The following CDH8 variants were observed in gnomAD, a reference collection of about 807,000 sequenced individuals.
CDH8 encodes cadherin 8, also known as cadherin-8.
In CDH8, 17 loss-of-function variants were observed where a neutral mutation model predicts 68.1. That is an observed-to-expected ratio of 0.25 (90% CI 0.17 to 0.37). CDH8 has a LOEUF of 0.37. Ranked by LOEUF, CDH8 falls within the 10% of genes least tolerant of loss-of-function variation. CDH8 has a pLI of 1.00. For synonymous variants in CDH8, 372 were observed against 365.1 expected, an observed-to-expected ratio of 1.02 and a Z score of -0.21; for missense variants, 763 against 999.3, an observed-to-expected ratio of 0.76 and a Z score of 3.19.
At chr16:61,951,531 G>A (rs1457670823) in intron 2 of CDH8, among the ~76,000 whole-genome samples, 14 of 136,524 alleles carry the variant, frequency 1.0e-4, no homozygotes, top group South Asian at 2.4e-4. Context: ...AAAAAAAAAA[G>A]ATGCCATATG....
intron 7 of CDH8, among the ~76,000 whole-genome samples, chr16:61,799,244 A>G (rs1325913239): frequency 2.6e-5 from 4 of 152,302 alleles, no homozygotes; most frequent in Non-Finnish European, 4.4e-5. Flanking sequence ...ACTTCTCTCC[A>G]TAGGAAATAG....
In CDH8 at chr16:61,769,882, G is replaced by T. The variant is rs1960733947; in HGVS notation, c.1414+19464C>A. Among the ~76,000 whole-genome samples, 3 of 151,754 alleles carry T rather than the reference G, an allele frequency of 2.0e-5. No individual in the cohort carries two copies. The South Asian group carries it at 6.2e-4, about 31-fold the overall frequency. On this transcript the variant is annotated intron_variant, in intron 8 of 11. Transcript: ENST00000577390. ...AGTTGATGTAAGCAATGTGATTCCT[G>T]GATTTTTTATTCCTATATGTGTATT...
At chr16:61,932,075 T>C (rs368356048) in intron 2 of CDH8, among the ~76,000 whole-genome samples, 5 of 151,644 alleles carry the variant, frequency 3.3e-5, no homozygotes, top group East Asian at 3.9e-4. Flanking sequence ...GGCGTGGTGG[T>C]GGGCGCCTGT....
intron 3 of CDH8, among the ~76,000 whole-genome samples, chr16:61,873,255 T>C (rs562836328): frequency 1.2e-4 from 18 of 152,264 alleles, no homozygotes; most frequent in Admixed American, 2.0e-4. Context: ...TAAGCCTAAA[T>C]TAGGTTGAAG....
At chr16:61,906,743 T>C (rs1012914407) in intron 2 of CDH8, among the ~76,000 whole-genome samples, 3 of 152,178 alleles carry the variant, frequency 2.0e-5, no homozygotes, top group Non-Finnish European at 4.4e-5. Flanking sequence ...ATTTTTCCAT[T>C]TATTTTCAAA....
intron 7 of CDH8, among the ~76,000 whole-genome samples, chr16:61,801,722 C>T (rs572674013): frequency 1.3e-4 from 20 of 152,274 alleles, no homozygotes; most frequent in African/African-American, 4.6e-4. Context: ...CCTGGAAAAT[C>T]GGGTCACTCC....
chr16:62,000,203 G>A (rs1473910165), intron 2 of CDH8, among the ~76,000 whole-genome samples: 2 of 152,082 alleles, frequency 1.3e-5, no homozygotes, highest in Non-Finnish European at 2.9e-5. Context: ...GTCTATCATT[G>A]ATAAGCATTT....
intron 8 of CDH8, among the ~76,000 whole-genome samples, chr16:61,734,696 G>A (rs1307306129): frequency 6.6e-6 from 1 of 151,938 alleles, no homozygotes; most frequent in Non-Finnish European, 1.5e-5. Flanking sequence ...GTTGTTTAGA[G>A]TTATTAAGCT....
chr16:61,992,149 G>A (rs1195105530), intron 2 of CDH8, among the ~76,000 whole-genome samples: 1 of 151,596 alleles, frequency 6.6e-6, no homozygotes, highest in Non-Finnish European at 1.5e-5. Flanking sequence ...CTGCACTAAG[G>A]TGAAGAAGAA....
intron 1 of CDH8, among the ~76,000 whole-genome samples, chr16:62,026,016 T>C (rs894272806): frequency 2.0e-5 from 3 of 152,200 alleles, no homozygotes; most frequent in Non-Finnish European, 4.4e-5. Flanking sequence ...CATCTCACTA[T>C]TTGCTAAAAA....
intron 8 of CDH8, among the ~76,000 whole-genome samples, chr16:61,749,522 T>C (rs1960105838): frequency 6.6e-6 from 1 of 152,000 alleles, no homozygotes; most frequent in South Asian, 2.1e-4. Context: ...GAGAAAAATT[T>C]TGAGTCTTTT....
intron 3 of CDH8, among the ~76,000 whole-genome samples, chr16:61,890,446 G>A (rs1597045193): frequency 6.6e-6 from 1 of 152,072 alleles, no homozygotes; most frequent in East Asian, 1.9e-4. Context: ...TTAGTGCTGA[G>A]CCAATTCTTT....
intron 2 of CDH8, among the ~76,000 whole-genome samples, chr16:61,926,014 A>G (rs1403181860): frequency 1.3e-5 from 2 of 152,192 alleles, no homozygotes; most frequent in African/African-American, 4.8e-5. Flanking sequence ...CATCCTTACT[A>G]TACCTTCACA....
intron 2 of CDH8, among the ~76,000 whole-genome samples, chr16:62,003,381 C>T (rs1286647486): frequency 6.6e-6 from 1 of 152,140 alleles, no homozygotes; most frequent in Non-Finnish European, 1.5e-5. Flanking sequence ...GTTATTGCAA[C>T]ATAGTACTTT....
intron 10 of CDH8, among the ~76,000 whole-genome samples, chr16:61,695,982 A>G (rs1304559040): frequency 6.6e-6 from 1 of 152,184 alleles, no homozygotes; most frequent in Admixed American, 6.5e-5. Context: ...GATATAAAAA[A>G]AAGTTTTCCT....
At chr16:61,962,702 C>T (rs766013786) in intron 2 of CDH8, among the ~76,000 whole-genome samples, 65 of 152,122 alleles carry the variant, frequency 4.3e-4, no homozygotes, top group South Asian at 6.2e-4. Context: ...CATGGCAAAA[C>T]GGAACAAAAG....
At position 61,825,156 on chromosome 16, in the gene CDH8, T is replaced by C; in HGVS notation, c.691A>G (p.Asn231Asp). 1 of 1,606,142 alleles carries C rather than the reference T, an allele frequency of 6.2e-7. No individual in the cohort carries two copies. The highest frequency in any genetic ancestry group is 8.5e-7 in the Non-Finnish European group (1 of 1,177,284). The change falls in exon 5 of 12, where the codon AAC (asparagine) becomes GAC (aspartate). Residue 231 changes from asparagine to aspartate, a missense_variant. Physicochemically the swap from Asn to Asp is conservative, Grantham distance 23. Coordinates refer to ENST00000577390, the MANE Select transcript of CDH8 (RefSeq NM_001796.5). Reference sequence around the variant, plus strand: ...TCCTCCTTGGCTTCTCTGTCCATGTTGGGAAGGGCAGTTTTTATAATAGCT... The same window carrying C: ...TCCTCCTTGGCTTCTCTGTCCATGTCGGGAAGGGCAGTTTTTATAATAGCT... ...ETAIIKTALP[N>D]MDREAKEEYL...
chr16:61,931,976 G>A (rs966283178), intron 2 of CDH8, among the ~76,000 whole-genome samples: 2 of 152,136 alleles, frequency 1.3e-5, no homozygotes, highest in Non-Finnish European at 1.5e-5. Context: ...GGGAGGCCGA[G>A]GCGGGCGGAT....
chr16:61,779,989 C>T (rs545834755), intron 8 of CDH8, among the ~76,000 whole-genome samples: 1 of 152,274 alleles, frequency 6.6e-6, no homozygotes, highest in African/African-American at 2.4e-5. Context: ...AAGATCTGAT[C>T]CTGTACCTCC....
Sources: allele counts gnomAD v4.1 joint callset (sites outside exome capture counted in the v4.1 genomes callset), GRCh38; gene constraint gnomAD v4.1.1; transcripts MANE v1.5; gene names NCBI Gene and HGNC (gene_info 2026-07-23, HGNC 2026-07-21).